FRMD4A: variants seen among roughly 807,000 people sequenced by gnomAD.
FRMD4A encodes FERM domain containing 4A, also known as FERM domain-containing protein 4A.
A neutral mutation model predicts 129.1 loss-of-function variants in FRMD4A; 29 were observed. The ratio of observed to expected loss-of-function variants is 0.22; its 90% confidence interval spans 0.17 to 0.31. The LOEUF (loss-of-function observed/expected upper bound fraction) is 0.31. Ranked by LOEUF, FRMD4A falls within the 10% of genes least tolerant of loss-of-function variation. The probability of loss-of-function intolerance (pLI) is 1.00; values close to 1 mark genes in which losing one functional copy is unlikely to be tolerated. For missense variants in FRMD4A, 1,272 were observed against 1,375.8 expected (o/e 0.92, Z 1.19); for synonymous variants, 634 against 571.6 (o/e 1.11, Z -1.56).
In FRMD4A at chr10:14,304,965, C is replaced by T. The variant is rs72780833; in HGVS notation, c.45+25093G>A. Among the ~76,000 whole-genome samples the T allele has an allele frequency of 5.7e-3, 868 of 152,320 alleles. 19 individuals are homozygous for T. The South Asian group carries it at 0.061, about 11-fold the overall frequency. ...CACAGTGGAAACGGGTTTGATAAAG[C>T]TTCCCTTTTTTGTTTCCCTGCATTG... On this transcript the variant is annotated intron_variant, in intron 2 of 24. Transcript: ENST00000357447.
At chr10:13,890,678 G>A (rs936284164) in intron 2 of FRMD4A, 3 of 984,764 alleles carry the variant, frequency 3.0e-6, no homozygotes, top group Non-Finnish European at 3.6e-6. Flanking sequence ...CAGTAGCAGC[G>A]TCTCCACTGG....
At position 13,713,984 on chromosome 10, in the gene FRMD4A, T is replaced by TACAC. The variant is rs1211077450; in HGVS notation, c.760-6872_760-6871insGTGT. 1.4e-3 allele frequency among the ~76,000 whole-genome samples: 145 copies of TACAC among 102,438 alleles called. 9 individuals carry two copies. Among genetic ancestry groups the TACAC allele is most frequent in the East Asian group, 8.6e-3 (31 of 3,600 alleles). 67.2% of individuals were successfully genotyped at this position (102,438 alleles called of 152,430 possible). On this transcript the variant is annotated intron_variant, in intron 12 of 24. Coordinates refer to ENST00000357447, the MANE Select transcript of FRMD4A (RefSeq NM_018027.5). ...ATATAATATATACATATATGTAATA[T>TACAC]ACATATATAATATACATATATAATA...
rs1456095082 is a variant in FRMD4A, at chr10:13,652,330, T to C, written c.3051-356A>G. On this transcript the variant is annotated intron_variant, in intron 23 of 24. Transcript: ENST00000357447. ...AGGTTTCAAGACCATCTTAAGTGCA[T>C]AGGACCCTGAGGAGGGCTTGTACAT... The C allele has an allele frequency of 2.0e-5, 6 of 302,942 alleles. 1 individual carries two copies. Among genetic ancestry groups the C allele is most frequent in the East Asian group, 1.6e-4 (2 of 12,558 alleles). The allele number at this position is 302,942 out of a possible 1,614,324, so 18.8% of individuals were successfully genotyped here. A position where few individuals can be genotyped will look rare whatever the true frequency, so the allele number is the denominator to read the frequency against.
chr10:14,036,468 C>T (rs965192375), intron 2 of FRMD4A, among the ~76,000 whole-genome samples: 2 of 152,206 alleles, frequency 1.3e-5, no homozygotes, highest in Admixed American at 6.5e-5. Context: ...GGGACAAAGC[C>T]AGGCCAAGGG....
rs1834642871 is a variant in FRMD4A, at chr10:14,058,367, A to T, written c.46-199455T>A. ...TTTACTTTCAAAATATTCATTTCTC[A>T]TCCTAGAATTTTTTTCCCAATTACC... On this transcript the variant is annotated intron_variant, in intron 2 of 24. Coordinates refer to ENST00000357447, the MANE Select transcript of FRMD4A (RefSeq NM_018027.5). Among the ~76,000 whole-genome samples, 7 of 152,220 alleles carry T rather than the reference A, an allele frequency of 4.6e-5. No individual in the cohort carries two copies. The South Asian group carries it at 1.4e-3, about 32-fold the overall frequency.
intron 2 of FRMD4A, among the ~76,000 whole-genome samples, chr10:14,236,780 G>A (rs138022116): frequency 5.9e-5 from 9 of 152,194 alleles, no homozygotes; most frequent in East Asian, 3.9e-4. Flanking sequence ...ATCCAACAAC[G>A]CGCAAACATC....
intron 3 of FRMD4A, among the ~76,000 whole-genome samples, chr10:13,847,950 A>G (rs1398406063): frequency 6.6e-6 from 1 of 152,258 alleles, no homozygotes; most frequent in Admixed American, 6.5e-5. Flanking sequence ...TGACAGCCAC[A>G]GATTTGTTAC....
intron 2 of FRMD4A, among the ~76,000 whole-genome samples, chr10:14,295,837 G>A (rs1400555389): frequency 6.6e-6 from 1 of 152,090 alleles, no homozygotes; most frequent in East Asian, 1.9e-4. Context: ...AACGTAATAA[G>A]CCTTCAAAAT....
At chr10:13,698,416 G>A (rs759659951) in intron 14 of FRMD4A, among the ~76,000 whole-genome samples, 12 of 152,122 alleles carry the variant, frequency 7.9e-5, no homozygotes, top group Non-Finnish European at 1.3e-4. Context: ...CAGCCCTGTC[G>A]GCCATCACTC....
intron 3 of FRMD4A, among the ~76,000 whole-genome samples, chr10:13,815,049 G>A (rs1647187699): frequency 6.6e-6 from 1 of 152,058 alleles, no homozygotes; most frequent in African/African-American, 2.4e-5. Flanking sequence ...TGCCTCCCAA[G>A]GAACACCTAC....
intron 3 of FRMD4A, among the ~76,000 whole-genome samples, chr10:13,853,530 C>T (rs2094168346): frequency 6.6e-6 from 1 of 151,924 alleles, no homozygotes; most frequent in African/African-American, 2.4e-5. Context: ...GAGCGAGACC[C>T]TGCCTGAAAA....
intron 3 of FRMD4A, among the ~76,000 whole-genome samples, chr10:13,826,335 C>T (rs1461375083): frequency 1.3e-5 from 2 of 152,276 alleles, no homozygotes; most frequent in East Asian, 3.9e-4. Context: ...GGGAATAGAA[C>T]GCAGGCCACT....
chr10:13,975,560 G>A (rs2095539367), intron 2 of FRMD4A, among the ~76,000 whole-genome samples: 1 of 151,498 alleles, frequency 6.6e-6, no homozygotes, highest in African/African-American at 2.4e-5. Context: ...GTATCTATGT[G>A]TGTGTCTGTG....
intron 8 of FRMD4A, among the ~76,000 whole-genome samples, chr10:13,759,415 G>T (rs2091982036): frequency 6.6e-6 from 1 of 152,166 alleles, no homozygotes; most frequent in Non-Finnish European, 1.5e-5. Flanking sequence ...ACGTTCCCAT[G>T]ATCCGTGGGG....
At chr10:14,172,717 G>A (rs1446192751) in intron 2 of FRMD4A, among the ~76,000 whole-genome samples, 3 of 152,212 alleles carry the variant, frequency 2.0e-5, no homozygotes, top group Non-Finnish European at 2.9e-5. Flanking sequence ...TCTTTGCTGT[G>A]GTAGGGGATC....
chr10:14,066,204 T>A (rs759935685), intron 2 of FRMD4A, among the ~76,000 whole-genome samples: 1 of 151,876 alleles, frequency 6.6e-6, no homozygotes, highest in Non-Finnish European at 1.5e-5. Flanking sequence ...GAGGAGGAGA[T>A]CCACCTTAGT....
At chr10:13,922,439 A>G (rs1344109889) in intron 2 of FRMD4A, among the ~76,000 whole-genome samples, 1 of 152,218 alleles carries the variant, frequency 6.6e-6, no homozygotes, top group African/African-American at 2.4e-5. Flanking sequence ...CTTATTTTAT[A>G]AAAGAAAGTA....
At chr10:13,838,992 T>TTTC (rs72071288) in intron 3 of FRMD4A, among the ~76,000 whole-genome samples, 2 of 6,810 alleles carry the variant, frequency 2.9e-4, no homozygotes, top group African/African-American at 1.3e-3. Flanking sequence ...AATAATTTCC[T>TTTC]TTTTTTTTTT....
intron 8 of FRMD4A, among the ~76,000 whole-genome samples, chr10:13,749,838 A>C (rs76969760): frequency 0.013 from 2,001 of 151,650 alleles, 82 homozygotes; most frequent in South Asian, 0.12. Flanking sequence ...AAAATACAAA[A>C]ATTAGCCATG....
Sources: allele counts gnomAD v4.1 joint callset (sites outside exome capture counted in the v4.1 genomes callset), GRCh38; gene constraint gnomAD v4.1.1; transcripts MANE v1.5; gene names NCBI Gene and HGNC (gene_info 2026-07-23, HGNC 2026-07-21).